GPM6B: variants seen among roughly 807,000 people sequenced by gnomAD.
The protein encoded by GPM6B is glycoprotein M6B.
GPM6B carries 4 observed loss-of-function variants against 27.2 expected under a neutral mutation model. The observed-to-expected ratio is 0.15, with a 90% CI of 0.07 to 0.34. The LOEUF is 0.34. Ranked by LOEUF, GPM6B falls within the 10% of genes least tolerant of loss-of-function variation. The probability of loss-of-function intolerance (pLI) is 1.00; values close to 1 mark genes in which losing one functional copy is unlikely to be tolerated. For missense variants in GPM6B, 183 were observed against 261.9 expected (o/e 0.70, Z 2.08); for synonymous variants, 124 against 103.1 (o/e 1.20, Z -1.23).
At chrX:13,924,020 C>T (rs922886563) in intron 1 of GPM6B, among the ~76,000 whole-genome samples, 3 of 112,132 alleles carry the variant, frequency 2.7e-5, no homozygotes, top group Non-Finnish European at 5.6e-5. Flanking sequence ...CTGTTTTATC[C>T]GTAACGTTTT....
intron 1 of GPM6B, among the ~76,000 whole-genome samples, chrX:13,896,407 C>G (rs761770383): frequency 1.8e-5 from 2 of 108,762 alleles, no homozygotes; most frequent in East Asian, 5.9e-4. Flanking sequence ...AAAAACAGAG[C>G]CAGCTGTTCA....
intron 1 of GPM6B, among the ~76,000 whole-genome samples, chrX:13,816,614 C>T (rs1229645645): frequency 9.0e-6 from 1 of 111,165 alleles, no homozygotes; most frequent in African/African-American, 3.3e-5. Context: ...ATAGACATCC[C>T]TCTATGAAAT....
chrX:13,782,117 G>A (rs1044778312), intron 4 of GPM6B, among the ~76,000 whole-genome samples: 4 of 112,226 alleles, frequency 3.6e-5, no homozygotes, highest in African/African-American at 9.7e-5. Context: ...TGGATGAAAC[G>A]GAAGCACATG....
At chrX:13,935,389 G>C (rs1047644152) in intron 1 of GPM6B, among the ~76,000 whole-genome samples, 5 of 100,201 alleles carry the variant, frequency 5.0e-5, no homozygotes, top group Non-Finnish European at 9.7e-5. Flanking sequence ...GGTGACACAT[G>C]CCTGTAGTCC....
intron 1 of GPM6B, among the ~76,000 whole-genome samples, chrX:13,857,516 T>C (rs940819955): frequency 1.8e-5 from 2 of 112,388 alleles, no homozygotes; most frequent in African/African-American, 6.5e-5. Flanking sequence ...GCATCTTAGA[T>C]CTGGAAGAAA....
intron 1 of GPM6B, among the ~76,000 whole-genome samples, chrX:13,892,356 C>A (rs1036294303): frequency 9.0e-6 from 1 of 111,462 alleles, no homozygotes; most frequent in African/African-American, 3.3e-5. Context: ...CATAAATATG[C>A]TCTCACATGG....
chrX:13,925,247 T>C (rs1002162606), intron 1 of GPM6B, among the ~76,000 whole-genome samples: 2 of 112,284 alleles, frequency 1.8e-5, no homozygotes, highest in Non-Finnish European at 3.8e-5. Flanking sequence ...CTGAACAAGT[T>C]TGTCCATCCA....
intron 1 of GPM6B, among the ~76,000 whole-genome samples, chrX:13,869,605 T>C (rs752378427): frequency 8.9e-6 from 1 of 111,829 alleles, no homozygotes; most frequent in African/African-American, 3.2e-5. Flanking sequence ...TGGTCTCCCC[T>C]TGGACTTCTT....
intron 2 of GPM6B, among the ~76,000 whole-genome samples, chrX:13,794,656 C>T (rs1192399351): frequency 2.7e-5 from 3 of 112,380 alleles, no homozygotes; most frequent in East Asian, 2.8e-4. Flanking sequence ...AGCAGGAACA[C>T]ATTCCTCACT....
chrX:13,808,603 T>C (rs2049068297), intron 1 of GPM6B, among the ~76,000 whole-genome samples: 1 of 111,645 alleles, frequency 9.0e-6, no homozygotes, highest in African/African-American at 3.3e-5. Flanking sequence ...TATGGCCAGT[T>C]TATCTCCGAG....
At chrX:13,895,818 T>C (rs73455438) in intron 1 of GPM6B, among the ~76,000 whole-genome samples, 5,829 of 108,925 alleles carry the variant, frequency 0.054, 234 homozygotes, top group East Asian at 0.2. Flanking sequence ...ATTAGCATTT[T>C]TGAAAATCTT....
intron 1 of GPM6B, among the ~76,000 whole-genome samples, chrX:13,910,539 C>A: frequency 8.8e-6 from 1 of 113,286 alleles, no homozygotes; most frequent in Non-Finnish European, 1.9e-5. Flanking sequence ...GCCGCCTGTG[C>A]GGTATGACAA....
chrX:13,774,220 G>C, intron 7 of GPM6B: 1 of 770,728 alleles, frequency 1.3e-6, no homozygotes, highest in Non-Finnish European at 1.5e-6. Context: ...AACAGAAAAT[G>C]TAAGTATTCC....
chrX:13,789,410 G>A (rs1457417129), intron 2 of GPM6B, among the ~76,000 whole-genome samples: 1 of 111,924 alleles, frequency 8.9e-6, no homozygotes, highest in Non-Finnish European at 1.9e-5. Flanking sequence ...AGAGGATATA[G>A]GTAATATAGG....
chrX:13,922,041 G>A (rs1261510172), intron 1 of GPM6B, among the ~76,000 whole-genome samples: 1 of 111,821 alleles, frequency 8.9e-6, no homozygotes, highest in Non-Finnish European at 1.9e-5. Flanking sequence ...TAGTGGGCAT[G>A]TCTTACAGAA....
intron 2 of GPM6B, among the ~76,000 whole-genome samples, chrX:13,794,717 G>A (rs193134618): frequency 9.0e-6 from 1 of 111,643 alleles, no homozygotes; most frequent in East Asian, 2.8e-4. Flanking sequence ...ACTTCCAAAT[G>A]TCCTCGATGC....
In GPM6B at chrX:13,816,914, C is replaced by T. The variant is rs753981973; in HGVS notation, c.-10G>A. On this transcript the variant is annotated 5_prime_UTR_variant, in exon 1 of 8. Transcript: ENST00000316715. ...CCATGGCTGGCTTCATACCATCCAC[C>T]AAAAATGCTTTTCCCCCTGTTCCCC... 4 of 1,191,842 alleles carry T rather than the reference C, an allele frequency of 3.4e-6. No homozygotes were observed. The African/African-American group carries it at 5.4e-5, about 16-fold the overall frequency.
chrX:13,782,776 A>AG (rs1484620373), intron 4 of GPM6B, among the ~76,000 whole-genome samples: 4 of 105,751 alleles, frequency 3.8e-5, no homozygotes, highest in African/African-American at 1.4e-4. Flanking sequence ...AAAAAAAAGA[A>AG]AAAAAAAAAA....
intron 1 of GPM6B, among the ~76,000 whole-genome samples, chrX:13,892,381 TA>T (rs1439628669): frequency 9.0e-6 from 1 of 111,527 alleles, no homozygotes; most frequent in Non-Finnish European, 1.9e-5. Context: ...ACATAGATCA[TA>T]ATATTTGCGG....
Sources: gnomAD v4.1 joint callset for allele counts (sites outside exome capture counted in the v4.1 genomes callset) on GRCh38, gnomAD v4.1.1 for gene constraint, MANE v1.5 for transcripts, NCBI Gene and HGNC (gene_info 2026-07-23, HGNC 2026-07-21) for gene names.